Variants in ARHGAP6 observed in about 807,000 individuals in gnomAD.
ARHGAP6 encodes Rho GTPase activating protein 6.
Under a neutral mutation model 55.7 loss-of-function variants are expected in ARHGAP6, and 16 were observed. The ratio of observed to expected loss-of-function variants is 0.29; its 90% CI spans 0.19 to 0.44. The LOEUF (loss-of-function observed/expected upper bound fraction) is 0.44, where lower values mean the gene tolerates loss of function less well. Among genes scored for constraint, ARHGAP6 ranks in the 20% least tolerant of loss-of-function variants. The pLI, the probability that ARHGAP6 is intolerant of heterozygous loss-of-function variation, is 1.00. For synonymous variants in ARHGAP6, 382 were observed against 360.9 expected (o/e 1.06, Z -0.66); for missense variants, 698 against 808.9 (o/e 0.86, Z 1.66).
At chrX:11,233,917 T>C (rs906603134) in intron 2 of ARHGAP6, among the ~76,000 whole-genome samples, 20 of 112,559 alleles carry the variant, frequency 1.8e-4, no homozygotes, top group African/African-American at 6.5e-4. Context: ...AAGTTCTGAA[T>C]GTTGACTCAA....
At chrX:11,240,482 T>C (rs2047260197) in intron 2 of ARHGAP6, among the ~76,000 whole-genome samples, 1 of 112,290 alleles carries the variant, frequency 8.9e-6, no homozygotes, top group Non-Finnish European at 1.9e-5. Flanking sequence ...ATCTCTTCCC[T>C]ATTCTTAAGC....
At chrX:11,557,483 CA>C (rs113833524) in intron 1 of ARHGAP6, among the ~76,000 whole-genome samples, 1,217 of 87,995 alleles carry the variant, frequency 0.014, 17 homozygotes, top group African/African-American at 0.042. Flanking sequence ...TTCTGAAAGG[CA>C]AAAAAAAAAA....
intron 2 of ARHGAP6, among the ~76,000 whole-genome samples, chrX:11,242,393 T>C (rs2047295017): frequency 8.9e-6 from 1 of 112,086 alleles, no homozygotes; most frequent in African/African-American, 3.2e-5. Context: ...CCTAGAAGGA[T>C]CTTTTACTTG....
chrX:11,215,381 G>A (rs2046866723), intron 2 of ARHGAP6, among the ~76,000 whole-genome samples: 1 of 113,102 alleles, frequency 8.8e-6, no homozygotes, highest in Non-Finnish European at 1.9e-5. Context: ...CCCAGAGGCC[G>A]CGGAGTTCAG....
chrX:11,468,030 A>G (rs2050312672), intron 1 of ARHGAP6, among the ~76,000 whole-genome samples: 1 of 109,309 alleles, frequency 9.1e-6, no homozygotes. Flanking sequence ...AAATAAATAA[A>G]TAAATAAATG....
chrX:11,276,083 C>G (rs866749014), intron 1 of ARHGAP6, among the ~76,000 whole-genome samples: 11 of 111,161 alleles, frequency 9.9e-5, no homozygotes, highest in African/African-American at 2.6e-4. Context: ...CTTGAGATGT[C>G]TAGACAATCA....
At chrX:11,504,501 T>A (rs1301466976) in intron 1 of ARHGAP6, among the ~76,000 whole-genome samples, 3 of 112,078 alleles carry the variant, frequency 2.7e-5, no homozygotes, top group East Asian at 2.8e-4. Flanking sequence ...CCGTTAAGAA[T>A]CCGTCTCTTA....
intron 1 of ARHGAP6, among the ~76,000 whole-genome samples, chrX:11,517,672 A>G (rs1293370782): frequency 1.8e-5 from 2 of 111,569 alleles, no homozygotes; most frequent in East Asian, 5.6e-4. Context: ...AGGCACATGG[A>G]TGGAACTGGA....
intron 2 of ARHGAP6, among the ~76,000 whole-genome samples, chrX:11,220,148 C>A (rs866791661): frequency 3.2e-4 from 35 of 109,220 alleles, no homozygotes; most frequent in South Asian, 8.1e-4. Flanking sequence ...AATAGGGAAG[C>A]CTTTCCCCAT....
chrX:11,211,244 A>G (rs1383239187), intron 2 of ARHGAP6, among the ~76,000 whole-genome samples: 2 of 93,700 alleles, frequency 2.1e-5, no homozygotes, highest in African/African-American at 8.2e-5. Context: ...TTTTTTTGAG[A>G]TGGAGTTTCC....
At chrX:11,219,365 T>C (rs1386051754) in intron 2 of ARHGAP6, among the ~76,000 whole-genome samples, 1 of 102,187 alleles carries the variant, frequency 9.8e-6, no homozygotes, top group Non-Finnish European at 2.0e-5. Context: ...CATGTGTCTT[T>C]ATAACAGCAT....
At chrX:11,365,762 T>C (rs2049068545) in intron 1 of ARHGAP6, among the ~76,000 whole-genome samples, 1 of 112,593 alleles carries the variant, frequency 8.9e-6, no homozygotes, top group African/African-American at 3.2e-5. Context: ...ACCACTTGCA[T>C]TGTGATCTAA....
chrX:11,542,401 G>T (rs1368082455), intron 1 of ARHGAP6, among the ~76,000 whole-genome samples: 1 of 111,119 alleles, frequency 9.0e-6, no homozygotes, highest in East Asian at 2.8e-4. Context: ...TTGAACTCGG[G>T]TGGCAGAGGT....
chrX:11,220,465 G>A (rs1159716454), intron 2 of ARHGAP6, among the ~76,000 whole-genome samples: 5 of 111,165 alleles, frequency 4.5e-5, no homozygotes, highest in African/African-American at 1.3e-4. Flanking sequence ...AGAAGAGAGT[G>A]GGGGCCAATA....
chrX:11,138,698 G>C lies in ARHGAP6; in HGVS notation c.*165C>G, dbSNP rs2045577216. 9.4e-6 allele frequency: 5 copies of C among 529,240 alleles called. No homozygotes were observed. Among genetic ancestry groups the C allele is most frequent in the Admixed American group, 8.1e-5 (2 of 24,741 alleles). 43.6% of individuals were successfully genotyped at this position (529,240 alleles called of 1,213,427 possible). On this transcript the variant is annotated 3_prime_UTR_variant, in exon 13 of 13. Transcript: ENST00000337414. ...GCAATGGAACCTTATTCTCAATGGCGGGGGCGTGAGTGCTCTACCTCTGTA... is the reference window on the plus strand; with the variant it reads ...GCAATGGAACCTTATTCTCAATGGCCGGGGCGTGAGTGCTCTACCTCTGTA...
At chrX:11,237,106 C>T (rs1188925622) in intron 2 of ARHGAP6, among the ~76,000 whole-genome samples, 1 of 112,569 alleles carries the variant, frequency 8.9e-6, no homozygotes, top group Non-Finnish European at 1.9e-5. Context: ...CACAGGTGCA[C>T]CTGAATGTGG....
chrX:11,332,047 C>T (rs2048568640), intron 1 of ARHGAP6, among the ~76,000 whole-genome samples: 2 of 112,031 alleles, frequency 1.8e-5, no homozygotes, highest in Non-Finnish European at 3.8e-5. Flanking sequence ...CGTTTACCTC[C>T]TCACACTAAT....
At chrX:11,211,811 G>C (rs936016069) in intron 2 of ARHGAP6, among the ~76,000 whole-genome samples, 1 of 112,382 alleles carries the variant, frequency 8.9e-6, no homozygotes, top group Non-Finnish European at 1.9e-5. Flanking sequence ...AAAGTGCTGG[G>C]ATTACAGGTG....
chrX:11,191,933 G>A (rs1043603914), intron 3 of ARHGAP6, among the ~76,000 whole-genome samples: 3 of 111,440 alleles, frequency 2.7e-5, no homozygotes, highest in Non-Finnish European at 3.8e-5. Context: ...TCTTCTACCT[G>A]GGTTTTCAAT....
Sources: gnomAD v4.1 joint callset for allele counts (sites outside exome capture counted in the v4.1 genomes callset) on GRCh38, gnomAD v4.1.1 for gene constraint, MANE v1.5 for transcripts, NCBI Gene and HGNC (gene_info 2026-07-23, HGNC 2026-07-21) for gene names.